Variants in LMO7 observed in about 807,000 individuals in gnomAD.
LMO7 encodes LIM domain only protein 7.
LMO7 carries 120 observed loss-of-function variants against 206.5 expected under a neutral mutation model. The ratio of observed to expected loss-of-function variants is 0.58; its 90% CI spans 0.50 to 0.68. LMO7 has a LOEUF of 0.68. Among genes scored for constraint, LMO7 ranks in the 30% least tolerant of loss-of-function variants. The pLI, the probability that LMO7 is intolerant of heterozygous loss-of-function variation, is 0.00. For synonymous variants in LMO7, 706 were observed against 681.5 expected (o/e 1.04, Z -0.56); for missense variants, 1,959 against 1,957.9 (o/e 1.00, Z -0.01).
chr13:75,737,799 A>AC (rs2046035525), intron 3 of LMO7, among the ~76,000 whole-genome samples: 1 of 121,324 alleles, frequency 8.2e-6, no homozygotes, highest in Non-Finnish European at 1.8e-5. Flanking sequence ...AAAAAAAAAA[A>AC]AACTTTTTAC....
intron 1 of LMO7, among the ~76,000 whole-genome samples, chr13:75,675,843 C>G (rs190199954): frequency 2.6e-5 from 4 of 152,234 alleles, no homozygotes; most frequent in East Asian, 3.9e-4. Flanking sequence ...AAATTGCCCC[C>G]TGGATGGAAA....
intron 19 of LMO7, among the ~76,000 whole-genome samples, chr13:75,837,311 A>T (rs2059207339): frequency 6.6e-6 from 1 of 152,186 alleles, no homozygotes; most frequent in Non-Finnish European, 1.5e-5. Flanking sequence ...TTTTTAAAGC[A>T]AACTTTGCTT....
intron 17 of LMO7, 25 bp from the exon 18 acceptor site, chr13:75,835,208 A>G (rs757940072): frequency 8.7e-6 from 14 of 1,611,686 alleles, no homozygotes; most frequent in Admixed American, 1.7e-5. Flanking sequence ...CCTCAATCTC[A>G]CCAGTATGGC....
At chr13:75,806,508 T>C (rs183123349) in intron 9 of LMO7, 1 of 152,474 alleles carries the variant, frequency 6.6e-6, no homozygotes, top group East Asian at 1.9e-4. Flanking sequence ...TATATTTACA[T>C]GTGGCAGTTC....
chr13:75,797,894 G>A (rs2054238144), intron 6 of LMO7, among the ~76,000 whole-genome samples: 1 of 150,314 alleles, frequency 6.7e-6, no homozygotes, highest in African/African-American at 2.5e-5. Flanking sequence ...ATAGTACTAA[G>A]TGTTAGGAAA....
intron 2 of LMO7, among the ~76,000 whole-genome samples, chr13:75,717,041 G>T (rs1006052067): frequency 6.6e-6 from 1 of 151,778 alleles, no homozygotes; most frequent in African/African-American, 2.4e-5. Context: ...AGAAGTTTAT[G>T]CCTTTTTGAA....
chr13:75,718,139 C>T (rs967495777), intron 2 of LMO7, among the ~76,000 whole-genome samples: 3 of 152,112 alleles, frequency 2.0e-5, no homozygotes, highest in African/African-American at 4.8e-5. Context: ...CATCATGGTT[C>T]GTTTCACCTG....
Position 75,817,835 on chromosome 13 carries a change from C to T in LMO7, c.2064+557C>T, listed in dbSNP as rs1297667628. On this transcript the variant is annotated intron_variant, in intron 12 of 30. Coordinates refer to ENST00000377534, the MANE Select transcript of LMO7 (RefSeq NM_001306080.2). ...GAGTTGACATATATCCAGGTGTTTA[C>T]ATAGATATAGACTTACTCTTTAGTT... 2.0e-5 allele frequency among the ~76,000 whole-genome samples: 3 copies of T among 152,142 alleles called. No individual in the cohort carries two copies. In the East Asian group the frequency reaches 5.8e-4, roughly 29 times the overall value.
At chr13:75,725,361 A>T (rs2044380618) in intron 2 of LMO7, among the ~76,000 whole-genome samples, 1 of 152,070 alleles carries the variant, frequency 6.6e-6, no homozygotes, top group Non-Finnish European at 1.5e-5. Context: ...TTAAAGATCA[A>T]ATTTCAAAAT....
intron 1 of LMO7, among the ~76,000 whole-genome samples, chr13:75,642,575 C>G (rs2036642901): frequency 6.6e-6 from 1 of 151,904 alleles, no homozygotes; most frequent in African/African-American, 2.4e-5. Flanking sequence ...TGCACTCCAG[C>G]CTGGGTGACA....
chr13:75,667,365 T>C (rs2039161961), intron 1 of LMO7, among the ~76,000 whole-genome samples: 1 of 152,184 alleles, frequency 6.6e-6, no homozygotes, highest in African/African-American at 2.4e-5. Flanking sequence ...TCTGTCCTAC[T>C]CTTTTTCTGG....
At chr13:75,857,683 G>A (rs1004987325) in intron 30 of LMO7, 3 of 354,264 alleles carry the variant, frequency 8.5e-6, no homozygotes, top group African/African-American at 6.3e-5. Context: ...AAATAATAGA[G>A]AGTTGAGTGT....
At chr13:75,676,766 C>T (rs897558431) in intron 1 of LMO7, among the ~76,000 whole-genome samples, 2 of 152,148 alleles carry the variant, frequency 1.3e-5, no homozygotes, top group East Asian at 1.9e-4. Flanking sequence ...TTGAGGATAA[C>T]CCCCTCCCAA....
chr13:75,853,341 A>T lies in LMO7; in HGVS notation c.4614A>T (p.Arg1538Ser). 1.2e-6 allele frequency: 2 copies of T among 1,612,946 alleles called. No individual in the cohort carries two copies. Among genetic ancestry groups the T allele is most frequent in the South Asian group, 2.2e-5 (2 of 90,890 alleles). The change falls in exon 28 of 31, where the codon AGA (arginine) becomes AGT (serine). Residue 1538 changes from arginine to serine, a missense_variant. Transcript: ENST00000377534. ...CCACCACACAGTCCCCCACCCCGAG[A>T]AGCCATTCCCCTTCAGCTTCACAGT... is the stretch of plus-strand genomic sequence containing the variant. The part of the protein sequence containing the change: ...GVATTQSPTP[R>S]SHSPSASQSG...
intron 1 of LMO7, among the ~76,000 whole-genome samples, chr13:75,712,980 T>C (rs185319504): frequency 2.2e-4 from 34 of 152,350 alleles, no homozygotes; most frequent in South Asian, 4.1e-4. Flanking sequence ...ATATTTGTCA[T>C]ACTAAAATGG....
rs182407115 is a variant in LMO7, at chr13:75,637,102, G to A, written c.69+376G>A. Reference sequence around the variant, plus strand: ...GGTGCAGAGCTGGGCCAGGGCTCTCGGGTGCATTCCCTCGGGGTGCCTAGA... The same window carrying A: ...GGTGCAGAGCTGGGCCAGGGCTCTCAGGTGCATTCCCTCGGGGTGCCTAGA... On this transcript the variant is annotated intron_variant, in intron 1 of 30. Transcript: ENST00000377534. Among the ~76,000 whole-genome samples the A allele has an allele frequency of 3.7e-3, 564 of 152,056 alleles. 3 individuals carry two copies. Among genetic ancestry groups the A allele is most frequent in the Middle Eastern group, 0.01 (3 of 294 alleles).
intron 3 of LMO7, among the ~76,000 whole-genome samples, chr13:75,758,138 C>T (rs900815294): frequency 2.0e-5 from 3 of 152,076 alleles, no homozygotes; most frequent in Non-Finnish European, 4.4e-5. Context: ...AACTTGGAGT[C>T]CTGGTGACTA....
chr13:75,723,563 C>T (rs1041511636), intron 2 of LMO7, among the ~76,000 whole-genome samples: 3 of 152,170 alleles, frequency 2.0e-5, no homozygotes, highest in Non-Finnish European at 2.9e-5. Flanking sequence ...AGAAATAGAG[C>T]ATCAAATTCT....
intron 2 of LMO7, 105 bp downstream of exon 2, chr13:75,713,357 G>C: frequency 1.5e-6 from 1 of 683,154 alleles, no homozygotes; most frequent in East Asian, 2.8e-5. Flanking sequence ...TCACAGATAT[G>C]TGTTCTTGGT....
Sources: gnomAD v4.1 joint callset for allele counts (sites outside exome capture counted in the v4.1 genomes callset) on GRCh38, gnomAD v4.1.1 for gene constraint, MANE v1.5 for transcripts, NCBI Gene and HGNC (gene_info 2026-07-23, HGNC 2026-07-21) for gene names.